The following HSPG2 variants were observed in gnomAD, a reference collection of about 807,000 sequenced individuals.
HSPG2 encodes the protein heparan sulfate proteoglycan 2.
A neutral mutation model predicts 526.6 loss-of-function variants in HSPG2; 278 were observed. The observed-to-expected ratio is 0.53, with a 90% CI of 0.48 to 0.58. The LOEUF is 0.58. Among genes scored for constraint, HSPG2 ranks in the 20% least tolerant of loss-of-function variants. HSPG2 has a pLI of 0.00. For synonymous variants in HSPG2, 2,465 were observed against 2,555.4 expected (o/e 0.96, Z 1.07); for missense variants, 5,354 against 6,099.5 (o/e 0.88, Z 4.07).
intron 1 of HSPG2, among the ~76,000 whole-genome samples, chr1:21,902,036 A>G (rs1643128292): frequency 6.6e-6 from 1 of 152,156 alleles, no homozygotes; most frequent in African/African-American, 2.4e-5. Flanking sequence ...CCCCAGACAC[A>G]GGATCAAGGT....
In HSPG2 at chr1:21,865,566, C is replaced by T. The variant is rs2152737191; in HGVS notation, c.4314+151G>A. 1 of 866,118 alleles carries T rather than the reference C, an allele frequency of 1.2e-6. No individual in the cohort carries two copies. The highest frequency in any genetic ancestry group is 2.5e-5 in the East Asian group (1 of 40,538). The allele number at this position is 866,118 out of a possible 1,614,324, so 53.7% of individuals were successfully genotyped here. A position where few individuals can be genotyped will look rare whatever the true frequency, so the allele number is the denominator to read the frequency against. On this transcript the variant is annotated intron_variant, in intron 34 of 96. Transcript: ENST00000374695. The surrounding 1 kb of genome is among the most constrained non-coding windows in gnomAD (Gnocchi z 5.4). ...GATCCTCTGCTTGGGTAGTGTCCAA[C>T]CAGGCAGGGATGTGGGGGCATGGGC...
At chr1:21,863,698 G>C (rs1640003691) in intron 37 of HSPG2, among the ~76,000 whole-genome samples, 1 of 140,298 alleles carries the variant, frequency 7.1e-6, no homozygotes. Flanking sequence ...CTGAGACCCT[G>C]TCTCAAAAAA....
Position 21,824,227 on chromosome 1 carries a change from A to T in HSPG2, c.12816-23T>A. The T allele has an allele frequency of 1.2e-6, 2 of 1,613,476 alleles. No individual in the cohort carries two copies. The highest frequency in any genetic ancestry group is 1.7e-6 in the Non-Finnish European group (2 of 1,179,698). The stretch of plus-strand genomic sequence containing the variant: ...TACCTGCAGTCATCCAGGCCCAAGA[A>T]GTATGAGCTGGGGCAGGACCGGGGG... On this transcript the variant is annotated intron_variant, in intron 94 of 96. Transcript: ENST00000374695. This position sits in a 1 kb window ranked among gnomAD's most constrained non-coding sequence, Gnocchi z 5.9.
At chr1:21,845,014 G>A (rs1031343845) in intron 64 of HSPG2, among the ~76,000 whole-genome samples, 2 of 152,182 alleles carry the variant, frequency 1.3e-5, no homozygotes, top group Admixed American at 6.5e-5. Context: ...TTGGGAGGCC[G>A]GGCTGGGCGG....
chr1:21,834,966 G>A, intron 76 of HSPG2, 21 bp from the exon 77 acceptor site: 2 of 1,608,342 alleles, frequency 1.2e-6, no homozygotes, highest in Non-Finnish European at 1.7e-6. Flanking sequence ...GGGAGGCAGA[G>A]GTCCAGTGAG....
chr1:21,824,892 C>A lies in HSPG2; in HGVS notation c.12590-113G>T. The stretch of plus-strand genomic sequence containing the variant: ...ACATGCAGGACTAGGGGGCTCCGAG[C>A]CTGCAGTCCCTGGGGACCCACGGGG... On this transcript the variant is annotated intron_variant, in intron 91 of 96. Coordinates refer to ENST00000374695, the MANE Select transcript of HSPG2 (RefSeq NM_005529.7). This position sits in a 1 kb window ranked among gnomAD's most constrained non-coding sequence, Gnocchi z 5.9. The A allele has an allele frequency of 1.0e-6, 1 of 984,448 alleles. No homozygotes were observed. 61.0% of individuals were successfully genotyped at this position (984,448 alleles called of 1,614,324 possible).
chr1:21,846,598 G>C lies in HSPG2; in HGVS notation c.8166C>G (p.Ala2722=). The C allele has an allele frequency of 6.2e-7, 1 of 1,613,554 alleles. No homozygotes were observed. Residue 2722 remains alanine, a splice_region_variant and synonymous_variant, in exon 63 of 97, where the codon GCC becomes GCG. Transcript: ENST00000374695. ...TTCTGATGGGCATGGAGCTGCCAGGGGCTGGGGGAACAGAGATCAGTGAGT... is the reference window on the plus strand; with the variant it reads ...TTCTGATGGGCATGGAGCTGCCAGGCGCTGGGGGAACAGAGATCAGTGAGT... The part of the protein sequence containing the change: ...SVSPSAGSPS[A]PGSSMPIRIE...
At chr1:21,937,045 G>C in intron 1 of HSPG2, 110 bp downstream of exon 1, 1 of 312,604 alleles carries the variant, frequency 3.2e-6, no homozygotes, top group Non-Finnish European at 4.7e-6. Flanking sequence ...CAGAGTCCCC[G>C]CCGCGCAGCC....
At position 21,885,300 on chromosome 1, in the gene HSPG2, G is replaced by A. The variant is rs374980643; in HGVS notation, c.1210+20C>T. ...GAACCCAGCCCAGGGCCCGCATCTC[G>A]ACCCCAGCTCCCTGCTCACTGCAGC... On this transcript the variant is annotated intron_variant, in intron 10 of 96. Transcript: ENST00000374695. 1.4e-5 allele frequency: 23 copies of A among 1,613,642 alleles called. No homozygotes were observed. The highest frequency in any genetic ancestry group is 4.5e-5 in the East Asian group (2 of 44,880).
chr1:21,834,955 A>T lies in HSPG2; in HGVS notation c.10454-10T>A. 6.2e-7 allele frequency: 1 copy of T among 1,609,744 alleles called. No homozygotes were observed. The highest frequency in any genetic ancestry group is 2.2e-5 in the East Asian group (1 of 44,878). The stretch of plus-strand genomic sequence containing the variant: ...AGCACCGAGGGCAGGGCTGGGGAGG[A>T]GGGAGGCAGAGGTCCAGTGAGATCA... On this transcript the variant is annotated splice_polypyrimidine_tract_variant and intron_variant, in intron 76 of 96. Coordinates refer to ENST00000374695, the MANE Select transcript of HSPG2 (RefSeq NM_005529.7).
At chr1:21,829,342 G>T (rs779853015) in intron 87 of HSPG2, 41 bp downstream of exon 87, 2 of 1,586,310 alleles carry the variant, frequency 1.3e-6, no homozygotes, top group South Asian at 2.2e-5. Flanking sequence ...GGGGCACAAG[G>T]CTTGGTGTGC....
In HSPG2 at chr1:21,887,159, G is replaced by T; in HGVS notation, c.1078+56C>A. The T allele has an allele frequency of 6.2e-7, 1 of 1,606,430 alleles. No homozygotes were observed. The highest frequency in any genetic ancestry group is 8.5e-7 in the Non-Finnish European group (1 of 1,176,150). ...CGGGGCAGGAGTGGAAGGCGGGGCA[G>T]GAGCAAGCGGCCTGGGCAGGGCAAG... On this transcript the variant is annotated intron_variant, in intron 9 of 96. Coordinates refer to ENST00000374695, the MANE Select transcript of HSPG2 (RefSeq NM_005529.7). The surrounding 1 kb of genome is among the most constrained non-coding windows in gnomAD (Gnocchi z 5.0).
At position 21,839,879 on chromosome 1, in the gene HSPG2, C is replaced by T. The variant is rs747069175; in HGVS notation, c.9652G>A (p.Glu3218Lys). Residue 3218 changes from glutamate (E) to lysine (K), a missense_variant, in exon 72 of 97, where the codon GAA becomes AAA. Glu to Lys is a moderately conservative substitution (Grantham distance 56). Coordinates refer to ENST00000374695, the MANE Select transcript of HSPG2 (RefSeq NM_005529.7). The surrounding 1 kb of genome is among the most constrained non-coding windows in gnomAD (Gnocchi z 4.5). ...CCAGCCTCCACAGTCAGCTCAGCTTCTTCAGCTTGGACCTGAGGGGCCCCT... is the reference window on the plus strand; with the variant it reads ...CCAGCCTCCACAGTCAGCTCAGCTTTTTCAGCTTGGACCTGAGGGGCCCCT... ...APGAPQVQAE[E>K]AELTVEAGHT... 1.2e-6 allele frequency: 2 copies of T among 1,614,168 alleles called. No homozygotes were observed. Among genetic ancestry groups the T allele is most frequent in the South Asian group, 2.2e-5 (2 of 91,086 alleles).
rs773100668 is a variant in HSPG2, at chr1:21,872,910, G to C, written c.3888+87C>G. On this transcript the variant is annotated intron_variant, in intron 31 of 96. Transcript: ENST00000374695. The surrounding 1 kb of genome is among the most constrained non-coding windows in gnomAD (Gnocchi z 5.5). ...GCCCTGCCCCCCATGCCCAGGTCTC[G>C]GCTTCCACCAGATGCTGCCTGATTT... The C allele has an allele frequency of 6.5e-7, 1 of 1,546,652 alleles. No individual in the cohort carries two copies. Among genetic ancestry groups the C allele is most frequent in the South Asian group, 1.1e-5 (1 of 89,726 alleles).
chr1:21,922,608 C>T (rs1019768289), intron 1 of HSPG2, among the ~76,000 whole-genome samples: 30 of 152,240 alleles, frequency 2.0e-4, no homozygotes, highest in African/African-American at 7.0e-4. Flanking sequence ...TGTCAGGGCA[C>T]AAGGTGGGTC....
rs1640064249 is a variant in HSPG2 at position 21,864,455 on chromosome 1, G to A, written c.4627-242C>T. 6.6e-6 allele frequency among the ~76,000 whole-genome samples: 1 copy of A among 152,172 alleles called. No homozygotes were observed. Among genetic ancestry groups the A allele is most frequent in the African/African-American group, 2.4e-5 (1 of 41,432 alleles). On this transcript the variant is annotated intron_variant, in intron 36 of 96. Transcript: ENST00000374695. The surrounding 1 kb of genome is among the most constrained non-coding windows in gnomAD (Gnocchi z 4.8). The stretch of plus-strand genomic sequence containing the variant: ...TTGGGCCGGAGTAATCTGTGTTTCT[G>A]AATTGGCTCCCTGTCTCTGGTGGGC...
rs573925305 is a variant in HSPG2, at chr1:21,904,410, C to T, written c.64-8100G>A. ...AGGAAGCCTGGTGCAGCGGGACACG[C>T]GTGTGAGTGGCAGAGGAGTCAAAGG... On this transcript the variant is annotated intron_variant, in intron 1 of 96. Coordinates refer to ENST00000374695, the MANE Select transcript of HSPG2 (RefSeq NM_005529.7). The surrounding 1 kb of genome is among the most constrained non-coding windows in gnomAD (Gnocchi z 4.4). Among the ~76,000 whole-genome samples the T allele has an allele frequency of 3.9e-5, 6 of 152,276 alleles. No individual in the cohort carries two copies. Among genetic ancestry groups the T allele is most frequent in the Admixed American group, 6.5e-5 (1 of 15,300 alleles).
rs185442868 is a variant in HSPG2 at position 21,831,726 on chromosome 1, C to T, written c.11278G>A (p.Val3760Met). 7.8e-5 allele frequency: 126 copies of T among 1,606,372 alleles called. No individual in the cohort carries two copies. The Middle Eastern group carries it at 1.2e-3, about 15-fold the overall frequency. ...TPLALGHFHT[V>M]TLLRSLTQGS... The stretch of plus-strand genomic sequence containing the variant: ...TGGGTGAGGCTGCGCAGCAGGGTCA[C>T]GGTGTGGAAATGGCCCAGGGCCAGT... The change falls in exon 82 of 97, where the codon GTG (valine) becomes ATG (methionine). Residue 3760 changes from valine to methionine, a missense_variant. Val to Met is a conservative substitution (Grantham distance 21, BLOSUM62 1). Coordinates refer to ENST00000374695, the MANE Select transcript of HSPG2 (RefSeq NM_005529.7).
In HSPG2 at chr1:21,848,868, T is replaced by C. The variant is rs886366562; in HGVS notation, c.7585+25A>G. The stretch of plus-strand genomic sequence containing the variant: ...GTCGGGGTCCCCCAGCCCTCCACCA[T>C]TTGCATGACCCCCGAGACACTCACA... On this transcript the variant is annotated intron_variant, in intron 58 of 96. Coordinates refer to ENST00000374695, the MANE Select transcript of HSPG2 (RefSeq NM_005529.7). The surrounding 1 kb of genome is among the most constrained non-coding windows in gnomAD (Gnocchi z 4.9). 3.7e-6 allele frequency: 6 copies of C among 1,610,750 alleles called. No individual in the cohort carries two copies. Among genetic ancestry groups the C allele is most frequent in the African/African-American group, 1.4e-5 (1 of 74,018 alleles).
Sources: allele counts gnomAD v4.1 joint callset (sites outside exome capture counted in the v4.1 genomes callset), GRCh38; gene constraint gnomAD v4.1.1; non-coding constraint Gnocchi (gnomAD v3.1); transcripts MANE v1.5; gene names NCBI Gene and HGNC (gene_info 2026-07-23, HGNC 2026-07-21).